The following ATP8B4 variants were observed in gnomAD, a reference collection of about 807,000 sequenced individuals.
ATP8B4 encodes ATPase phospholipid transporting 8B4 (putative).
A neutral mutation model predicts 145.6 loss-of-function variants in ATP8B4; 133 were observed. That is an observed-to-expected ratio of 0.91 (90% CI 0.79 to 1.05). The LOEUF is 1.05. Among genes scored for constraint, ATP8B4 ranks in the 50% least tolerant of loss-of-function variants. The probability of loss-of-function intolerance (pLI) is 0.00; values close to 1 mark genes in which losing one functional copy is unlikely to be tolerated. For synonymous variants in ATP8B4, 507 were observed against 492.9 expected, an observed-to-expected ratio of 1.03 and a Z score of -0.38; for missense variants, 1,458 against 1,425.2, an observed-to-expected ratio of 1.02 and a Z score of -0.37.
upstream of ATP8B4, among the ~76,000 whole-genome samples, chr15:50,120,357 G>C (rs968673171): frequency 1.3e-5 from 2 of 152,124 alleles, no homozygotes; most frequent in African/African-American, 4.8e-5. Context: ...CTTAGAGCAG[G>C]AAGCAATCAT....
intron 23 of ATP8B4, among the ~76,000 whole-genome samples, chr15:49,884,546 G>A (rs1208622834): frequency 1.4e-5 from 2 of 144,666 alleles, no homozygotes; most frequent in African/African-American, 5.1e-5. Flanking sequence ...AGGCTGCAGT[G>A]AGCCGAGATC....
chr15:50,112,398 C>G (rs754481122), intron 1 of ATP8B4, among the ~76,000 whole-genome samples: 4 of 152,034 alleles, frequency 2.6e-5, no homozygotes, highest in African/African-American at 4.8e-5. Flanking sequence ...GGTGTGGGTG[C>G]TCTCCAGTTC....
chr15:50,071,392 C>T (rs919341716), intron 3 of ATP8B4, among the ~76,000 whole-genome samples: 1 of 152,162 alleles, frequency 6.6e-6, no homozygotes, highest in Non-Finnish European at 1.5e-5. Flanking sequence ...GAGCGTATCA[C>T]TTTACAAGGC....
chr15:50,100,867 T>C (rs1433151514), intron 2 of ATP8B4, among the ~76,000 whole-genome samples: 1 of 152,188 alleles, frequency 6.6e-6, no homozygotes, highest in African/African-American at 2.4e-5. Context: ...GATTAACAAG[T>C]TCCATTCCTC....
chr15:50,031,337 T>G (rs2050425870), intron 6 of ATP8B4, among the ~76,000 whole-genome samples: 1 of 152,202 alleles, frequency 6.6e-6, no homozygotes, highest in South Asian at 2.1e-4. Flanking sequence ...GGTACCATCA[T>G]AATGTATACG....
At chr15:50,052,193 A>G (rs918410984) in intron 3 of ATP8B4, among the ~76,000 whole-genome samples, 1 of 152,240 alleles carries the variant, frequency 6.6e-6, no homozygotes, top group Non-Finnish European at 1.5e-5. Context: ...CTACAGTCCA[A>G]TCTGAGTACA....
chr15:49,940,465 A>G (rs995615023), intron 14 of ATP8B4, among the ~76,000 whole-genome samples: 3 of 152,174 alleles, frequency 2.0e-5, no homozygotes, highest in Non-Finnish European at 4.4e-5. Flanking sequence ...TCCCTGGGTG[A>G]TGGAATCAAT....
At chr15:49,877,682 C>A (rs1014288362) in intron 24 of ATP8B4, among the ~76,000 whole-genome samples, 9 of 152,090 alleles carry the variant, frequency 5.9e-5, no homozygotes, top group Non-Finnish European at 8.8e-5. Context: ...GTTACTTAAT[C>A]CGCCTGAGCC....
chr15:49,915,583 T>C (rs2039655833), intron 20 of ATP8B4, among the ~76,000 whole-genome samples: 1 of 152,142 alleles, frequency 6.6e-6, no homozygotes, highest in South Asian at 2.1e-4. Context: ...AAAATATGTA[T>C]AAATATTGTA....
chr15:50,140,751 C>T (rs1032434623), intron 1 of ATP8B4, among the ~76,000 whole-genome samples: 2 of 152,166 alleles, frequency 1.3e-5, no homozygotes, highest in Non-Finnish European at 2.9e-5. Flanking sequence ...AAACATCCAC[C>T]TGAATAAATT....
Position 50,056,161 on chromosome 15 carries a change from G to A in ATP8B4, c.88-8697C>T, listed in dbSNP as rs932146669. On this transcript the variant is annotated intron_variant, in intron 3 of 27. Coordinates refer to ENST00000284509, the MANE Select transcript of ATP8B4 (RefSeq NM_024837.4). The stretch of plus-strand genomic sequence containing the variant: ...GAGCCTCAGCTCCCAGACTTGAGCA[G>A]AAAACGTGTATGAGGAGGCAAAGAG... Among the ~76,000 whole-genome samples, 2 of 152,178 alleles carry A rather than the reference G, an allele frequency of 1.3e-5. 1 individual carries two copies. Among genetic ancestry groups the A allele is most frequent in the African/African-American group, 4.8e-5 (2 of 41,426 alleles).
At chr15:49,868,135 G>C (rs939574417) in intron 25 of ATP8B4, among the ~76,000 whole-genome samples, 1 of 152,098 alleles carries the variant, frequency 6.6e-6, no homozygotes, top group African/African-American at 2.4e-5. Flanking sequence ...AGATTGAGAG[G>C]GTCCTTTAGG....
chr15:49,989,146 G>A (rs114259257), intron 9 of ATP8B4, among the ~76,000 whole-genome samples: 1,830 of 152,250 alleles, frequency 0.012, 43 homozygotes, highest in African/African-American at 0.042. Flanking sequence ...GGTTAGCTCC[G>A]TGATAGCCTA....
At chr15:50,135,191 T>C (rs761971595) in intron 1 of ATP8B4, among the ~76,000 whole-genome samples, 1 of 152,240 alleles carries the variant, frequency 6.6e-6, no homozygotes, top group Non-Finnish European at 1.5e-5. Context: ...TTTTGAGATA[T>C]GAGTGTGACA....
chr15:50,088,652 T>C (rs1333010184), intron 2 of ATP8B4, among the ~76,000 whole-genome samples: 1 of 152,216 alleles, frequency 6.6e-6, no homozygotes, highest in Non-Finnish European at 1.5e-5. Context: ...AGATTATTTA[T>C]TCATTTATTT....
chr15:49,999,180 T>C (rs1285303843), intron 8 of ATP8B4, among the ~76,000 whole-genome samples: 1 of 152,090 alleles, frequency 6.6e-6, no homozygotes, highest in Non-Finnish European at 1.5e-5. Flanking sequence ...GTGGCACATA[T>C]ACACCATGGA....
intron 2 of ATP8B4, among the ~76,000 whole-genome samples, chr15:50,104,311 A>G (rs2056548330): frequency 6.6e-6 from 1 of 152,154 alleles, no homozygotes; most frequent in Non-Finnish European, 1.5e-5. Flanking sequence ...TAGGAGAAAA[A>G]TCTTCACAAT....
rs537551386 is a variant in ATP8B4, at chr15:50,034,090, T to C, written c.362+4678A>G. 8.5e-4 allele frequency among the ~76,000 whole-genome samples: 129 copies of C among 152,258 alleles called. 5 individuals carry two copies. In the South Asian group the frequency reaches 0.025, roughly 30 times the overall value. On this transcript the variant is annotated intron_variant, in intron 6 of 27. Coordinates refer to ENST00000284509, the MANE Select transcript of ATP8B4 (RefSeq NM_024837.4). Reference sequence around the variant, plus strand: ...CTGGGTGTATATCCAGTAATGAAATTGCTGGGTCAAATAGTAGTTCTGTTT... The same window carrying C: ...CTGGGTGTATATCCAGTAATGAAATCGCTGGGTCAAATAGTAGTTCTGTTT...
rs187109762 is a variant in ATP8B4, at chr15:50,130,346, C to A, written c.-42-23338G>T. Reference sequence around the variant, plus strand: ...ACCTGAGGGTAGCAACTCAATTTCCCACTGGTAGCACTGGGCTTAGCACAG... The same window carrying A: ...ACCTGAGGGTAGCAACTCAATTTCCAACTGGTAGCACTGGGCTTAGCACAG... On this transcript the variant is annotated intron_variant, in intron 1 of 3. Coordinates refer to the ATP8B4 transcript ENST00000558829. 4.6e-5 allele frequency among the ~76,000 whole-genome samples: 7 copies of A among 152,258 alleles called. No individual in the cohort carries two copies. The East Asian group carries it at 1.2e-3, about 25-fold the overall frequency.
Sources: allele counts gnomAD v4.1 joint callset (sites outside exome capture counted in the v4.1 genomes callset), GRCh38; gene constraint gnomAD v4.1.1; transcripts MANE v1.5; gene names NCBI Gene and HGNC (gene_info 2026-07-23, HGNC 2026-07-21).